The following DNAI4 variants were observed in gnomAD, a reference collection of about 807,000 sequenced individuals.
DNAI4 encodes dynein axonemal intermediate chain 4.
Under a neutral mutation model 105.8 loss-of-function variants are expected in DNAI4, and 85 were observed. That is an observed-to-expected ratio of 0.80 (90% CI 0.67 to 0.96). The LOEUF is 0.96. Among genes scored for constraint, DNAI4 ranks in the 40% least tolerant of loss-of-function variants. The pLI, the probability that DNAI4 is intolerant of heterozygous loss-of-function variation, is 0.00. For missense variants in DNAI4, 1,014 were observed against 1,005.6 expected (o/e 1.01, Z -0.11); for synonymous variants, 352 against 331.5 (o/e 1.06, Z -0.67).
intron 8 of DNAI4, among the ~76,000 whole-genome samples, chr1:66,845,678 A>G (rs917018499): frequency 5.3e-5 from 8 of 152,214 alleles, no homozygotes; most frequent in Non-Finnish European, 1.0e-4. Flanking sequence ...TTACTAGGAA[A>G]AAAATGAACT....
intron 1 of DNAI4, among the ~76,000 whole-genome samples, chr1:66,908,747 C>A (rs565323676): frequency 1.3e-5 from 2 of 152,298 alleles, no homozygotes; most frequent in African/African-American, 4.8e-5. Context: ...GGGTCATTAA[C>A]TTAATCAAGG....
intron 2 of DNAI4, among the ~76,000 whole-genome samples, chr1:66,904,180 AC>A: frequency 6.6e-6 from 1 of 152,274 alleles, no homozygotes; most frequent in East Asian, 1.9e-4. Flanking sequence ...GGTGCTATGA[AC>A]ATTCATGTAG....
intron 9 of DNAI4, 60 bp downstream of exon 9, chr1:66,840,409 G>A (rs1389776808): frequency 1.9e-5 from 28 of 1,482,670 alleles, no homozygotes; most frequent in Non-Finnish European, 2.3e-5. Flanking sequence ...TTCATTATTC[G>A]AACTTGATAA....
intron 4 of DNAI4, among the ~76,000 whole-genome samples, chr1:66,882,221 G>T (rs2991354): frequency 0.16 from 24,835 of 152,086 alleles, 2,453 homozygotes; most frequent in African/African-American, 0.29. Flanking sequence ...ATAAAAGTCC[G>T]TTATGATCTA....
chr1:66,890,056 C>G lies in DNAI4; in HGVS notation c.643+1098G>C, dbSNP rs1310685865. 1 of 152,196 alleles carries G rather than the reference C, an allele frequency of 6.6e-6. No individual in the cohort carries two copies. Among genetic ancestry groups the G allele is most frequent in the Non-Finnish European group, 1.5e-5 (1 of 68,074 alleles). The allele number at this position is 152,196 out of a possible 1,614,324, so 9.4% of individuals were successfully genotyped here. ...ATTTGGTGGCTCACACTGATAATCCCAGTACTTTGGGAGGCCGAGGCACAC... is the reference window on the plus strand; with the variant it reads ...ATTTGGTGGCTCACACTGATAATCCGAGTACTTTGGGAGGCCGAGGCACAC... On this transcript the variant is annotated intron_variant, in intron 4 of 16. Coordinates refer to ENST00000371026, the MANE Select transcript of DNAI4 (RefSeq NM_024763.5). The surrounding 1 kb of genome is among the most constrained non-coding windows in gnomAD (Gnocchi z 4.1).
At chr1:66,840,202 T>C (rs939756148) in intron 9 of DNAI4, among the ~76,000 whole-genome samples, 2 of 152,222 alleles carry the variant, frequency 1.3e-5, no homozygotes, top group Admixed American at 1.3e-4. Context: ...GAGAATGCCA[T>C]GTCTCAAGTA....
chr1:66,924,825 G>T lies in DNAI4; in HGVS notation c.7C>A (p.Pro3Thr), dbSNP rs753172434. 63 of 1,613,932 alleles carry T rather than the reference G, an allele frequency of 3.9e-5. No individual in the cohort carries two copies. The highest frequency in any genetic ancestry group is 5.2e-5 in the Non-Finnish European group (61 of 1,179,974). ...GCCGAGGCTCCGGAATGTTTGCCGG[G>T]CGTCATGGCGACGGTGGAGCCCTGG... The part of the protein sequence containing the change: MT[P>T]GKHSGASARA... The change falls in exon 1 of 17, where the codon CCC becomes ACC. Residue 3 changes from proline to threonine, a missense_variant. Transcript: ENST00000371026.
chr1:66,890,847 A>G lies in DNAI4; in HGVS notation c.643+307T>C. The G allele has an allele frequency of 2.6e-6, 1 of 391,038 alleles. No homozygotes were observed. The highest frequency in any genetic ancestry group is 4.6e-6 in the Non-Finnish European group (1 of 215,224). The allele number at this position is 391,038 out of a possible 1,614,324, so 24.2% of individuals were successfully genotyped here. A position where few individuals can be genotyped will look rare whatever the true frequency, so the allele number is the denominator to read the frequency against. On this transcript the variant is annotated intron_variant, in intron 4 of 16. Transcript: ENST00000371026. The surrounding 1 kb of genome is among the most constrained non-coding windows in gnomAD (Gnocchi z 4.1). Reference sequence around the variant, plus strand: ...AAAGAGGAAGAGGAAGAAAAGGAAGAGGAAGAAGAAGAGGAAGAGGAAGAA... The same window carrying G: ...AAAGAGGAAGAGGAAGAAAAGGAAGGGGAAGAAGAAGAGGAAGAGGAAGAA...
intron 4 of DNAI4, among the ~76,000 whole-genome samples, chr1:66,889,407 GAAGA>G (rs1201126644): frequency 6.6e-6 from 1 of 152,090 alleles, no homozygotes; most frequent in Non-Finnish European, 1.5e-5. Flanking sequence ...CATAAGAAAA[GAAGA>G]AAGGCTTTAG....
At chr1:66,899,295 G>T (rs1648604990) in intron 2 of DNAI4, among the ~76,000 whole-genome samples, 1 of 152,120 alleles carries the variant, frequency 6.6e-6, no homozygotes, top group Non-Finnish European at 1.5e-5. Context: ...ATCTTAGTGG[G>T]TATAAAGTGA....
intron 7 of DNAI4, among the ~76,000 whole-genome samples, chr1:66,848,700 A>ATC (rs1646330934): frequency 6.6e-6 from 1 of 152,214 alleles, no homozygotes; most frequent in Non-Finnish European, 1.5e-5. Context: ...ATATATATAT[A>ATC]TTCCAGATAT....
intron 13 of DNAI4, chr1:66,828,519 A>C (rs900987950): frequency 2.0e-5 from 3 of 152,182 alleles, no homozygotes; most frequent in African/African-American, 7.2e-5. Flanking sequence ...ATTCCTAATT[A>C]TGTGAATATC....
intron 2 of DNAI4, among the ~76,000 whole-genome samples, chr1:66,899,841 G>A (rs566596481): frequency 5.3e-5 from 8 of 152,114 alleles, no homozygotes; most frequent in African/African-American, 9.6e-5. Context: ...GAGTGATCTC[G>A]GCAATCATAA....
At position 66,869,005 on chromosome 1, in the gene DNAI4, C is replaced by T. The variant is rs188883721; in HGVS notation, c.940+2365G>A. ...AGGAAAATCACTTGAACCAAGGAGG[C>T]GGAGGTTGCAGTGAGCCGAGATTAT... On this transcript the variant is annotated intron_variant, in intron 6 of 16. Transcript: ENST00000371026. 3.8e-4 allele frequency among the ~76,000 whole-genome samples: 58 copies of T among 151,528 alleles called. No individual in the cohort carries two copies. In the East Asian group the frequency reaches 9.3e-3, roughly 24 times the overall value.
rs78101999 is a variant in DNAI4 at position 66,845,912 on chromosome 1, T to C, written c.1291+1572A>G. Among the ~76,000 whole-genome samples the C allele has an allele frequency of 9.6e-3, 1,460 of 152,142 alleles. 11 individuals are homozygous for C. Among genetic ancestry groups the C allele is most frequent in the African/African-American group, 0.033 (1,380 of 41,510 alleles). ...CTTGGAAAACAGCACAAGGTAACTCTTAGGGTTAATAGATATGTCCTCTGT... is the reference window on the plus strand; with the variant it reads ...CTTGGAAAACAGCACAAGGTAACTCCTAGGGTTAATAGATATGTCCTCTGT... On this transcript the variant is annotated intron_variant, in intron 8 of 16. Coordinates refer to ENST00000371026, the MANE Select transcript of DNAI4 (RefSeq NM_024763.5).
intron 13 of DNAI4, among the ~76,000 whole-genome samples, chr1:66,829,543 C>T (rs944299020): frequency 7.9e-5 from 12 of 151,750 alleles, no homozygotes; most frequent in Non-Finnish European, 1.2e-4. Context: ...TATGTATGTA[C>T]CTAATAAGAA....
chr1:66,841,316 A>C (rs576600012), intron 8 of DNAI4, among the ~76,000 whole-genome samples: 1 of 152,362 alleles, frequency 6.6e-6, no homozygotes, highest in African/African-American at 2.4e-5. Flanking sequence ...CTGACCAGCT[A>C]AAAGTAAATG....
At chr1:66,894,827 C>G (rs1648176713) in intron 2 of DNAI4, among the ~76,000 whole-genome samples, 1 of 152,100 alleles carries the variant, frequency 6.6e-6, no homozygotes, top group South Asian at 2.1e-4. Flanking sequence ...AGCCTGGTAT[C>G]TAGGAAAGCA....
intron 7 of DNAI4, among the ~76,000 whole-genome samples, chr1:66,854,038 A>C (rs1180140479): frequency 2.6e-5 from 4 of 152,204 alleles, no homozygotes; most frequent in Non-Finnish European, 5.9e-5. Flanking sequence ...TACAAGAAAA[A>C]CATAGAAGAA....
Sources: gnomAD v4.1 joint callset for allele counts (sites outside exome capture counted in the v4.1 genomes callset) on GRCh38, gnomAD v4.1.1 for gene constraint, Gnocchi (gnomAD v3.1) non-coding constraint, MANE v1.5 for transcripts, NCBI Gene and HGNC (gene_info 2026-07-23, HGNC 2026-07-21) for gene names.